The following RAB12 variants were observed in gnomAD, a reference collection of about 807,000 sequenced individuals.
RAB12 encodes the protein ras-related protein Rab-12.
Under a neutral mutation model 28.4 loss-of-function variants are expected in RAB12, and 11 were observed. That is an observed-to-expected ratio of 0.39 (90% CI 0.24 to 0.64). RAB12 has a LOEUF of 0.64. RAB12 is among the 30% of genes least tolerant of loss of function. The pLI, the probability that RAB12 is intolerant of heterozygous loss-of-function variation, is 0.50. For synonymous variants in RAB12, 138 were observed against 145.3 expected, an observed-to-expected ratio of 0.95 and a Z score of 0.36; for missense variants, 276 against 351.1, an observed-to-expected ratio of 0.79 and a Z score of 1.71.
chr18:8,626,394 T>C (rs1325181731), intron 2 of RAB12, among the ~76,000 whole-genome samples: 1 of 152,234 alleles, frequency 6.6e-6, no homozygotes, highest in Non-Finnish European at 1.5e-5. Context: ...ATGTAAACAT[T>C]ATTAGAATGT....
intron 2 of RAB12, among the ~76,000 whole-genome samples, chr18:8,631,227 G>A (rs1045639890): frequency 3.3e-5 from 5 of 152,078 alleles, no homozygotes; most frequent in African/African-American, 1.2e-4. Flanking sequence ...CATAAGTGTG[G>A]GACTATTGGT....
Position 8,613,829 on chromosome 18 carries a change from AAGTAGTAGT to A in RAB12, c.514+3907_514+3915del, listed in dbSNP as rs3050584. ...TGTAGTTGTCTGTGCCTATAAATAGAAGTAGTAGTAGTAGTAGTAGTAGTAGTAGTAGTA... is the reference window on the plus strand; with the variant it reads ...TGTAGTTGTCTGTGCCTATAAATAGAAGTAGTAGTAGTAGTAGTAGTAGTA... On this transcript the variant is annotated intron_variant, in intron 1 of 5. Coordinates refer to ENST00000649141, the MANE Select transcript of RAB12 (RefSeq NM_001025300.3). 3.3e-3 allele frequency among the ~76,000 whole-genome samples: 490 copies of A among 148,756 alleles called. 3 individuals are homozygous for A. Among genetic ancestry groups the A allele is most frequent in the South Asian group, 0.017 (80 of 4,600 alleles).
intron 2 of RAB12, among the ~76,000 whole-genome samples, chr18:8,630,325 A>AT (rs1395582947): frequency 6.6e-6 from 1 of 152,228 alleles, no homozygotes; most frequent in Non-Finnish European, 1.5e-5. Flanking sequence ...ATTTAAACAT[A>AT]TTCTGATTAG....
intron 1 of RAB12, among the ~76,000 whole-genome samples, chr18:8,617,379 C>G (rs2096007277): frequency 6.6e-6 from 1 of 151,854 alleles, no homozygotes; most frequent in African/African-American, 2.4e-5. Flanking sequence ...TTTCATGGAT[C>G]CATTCTGAGT....
At chr18:8,630,534 C>T (rs1255174080) in intron 2 of RAB12, among the ~76,000 whole-genome samples, 3 of 152,198 alleles carry the variant, frequency 2.0e-5, no homozygotes, top group African/African-American at 4.8e-5. Context: ...CTGACCCCCA[C>T]TGCTCATCAT....
chr18:8,619,478 A>T (rs892802308), intron 1 of RAB12, among the ~76,000 whole-genome samples: 1 of 152,270 alleles, frequency 6.6e-6, no homozygotes, highest in Non-Finnish European at 1.5e-5. Context: ...GTTGCTAGAC[A>T]TGTGAAAGAC....
chr18:8,614,787 T>C (rs1472722044), intron 1 of RAB12, among the ~76,000 whole-genome samples: 1 of 152,166 alleles, frequency 6.6e-6, no homozygotes. Flanking sequence ...GGTTTCACCA[T>C]GTTGGCCAGG....
intron 1 of RAB12, among the ~76,000 whole-genome samples, chr18:8,611,353 T>C (rs1765442393): frequency 6.6e-6 from 1 of 152,188 alleles, no homozygotes; most frequent in Non-Finnish European, 1.5e-5. Context: ...TACTTCAGTA[T>C]ATAAAAATGA....
chr18:8,635,915 C>T (rs762294725), intron 4 of RAB12: 33 of 424,422 alleles, frequency 7.8e-5, no homozygotes, highest in Non-Finnish European at 1.1e-4. Context: ...TTTACTTTAA[C>T]GTACTTTAAA....
chr18:8,620,352 A>G (rs746878935), intron 1 of RAB12, among the ~76,000 whole-genome samples: 8 of 152,034 alleles, frequency 5.3e-5, no homozygotes, highest in Non-Finnish European at 1.2e-4. Flanking sequence ...CCAGTTCTGT[A>G]TCTAAGGGAC....
chr18:8,620,661 G>A (rs567196893), intron 1 of RAB12, among the ~76,000 whole-genome samples: 1 of 152,152 alleles, frequency 6.6e-6, no homozygotes, highest in South Asian at 2.1e-4. Flanking sequence ...AGAGGGAGCA[G>A]TTTCCAGCCA....
At position 8,614,572 on chromosome 18, in the gene RAB12, GTTTTTTATTTTA is replaced by G. The variant is rs562414168; in HGVS notation, c.514+4631_514+4642del. 5.3e-5 allele frequency among the ~76,000 whole-genome samples: 8 copies of G among 151,132 alleles called. No individual in the cohort carries two copies. In the South Asian group the frequency reaches 1.5e-3, roughly 28 times the overall value. On this transcript the variant is annotated intron_variant, in intron 1 of 5. Transcript: ENST00000649141. The stretch of plus-strand genomic sequence containing the variant: ...AAAGATAAGATACCACAGTTTAAAA[GTTTTTTATTTTA>G]TTTTTTATTTTTATTTTTGAGACGA...
rs1598315808 is a variant in RAB12 at position 8,639,144 on chromosome 18, G to GTTTTTTTTTTTTTTTTTT, written c.*884_*885insTTTTTTTTTTTTTTTTTT. On this transcript the variant is annotated 3_prime_UTR_variant, in exon 6 of 6. Coordinates refer to ENST00000649141, the MANE Select transcript of RAB12 (RefSeq NM_001025300.3). ...CTTATTCTGATTAAGCCTAGACTGT[G>GTTTTTTTTTTTTTTTTTT]TTCTTTTTTTTTTTTTTTTTTTTTT... The GTTTTTTTTTTTTTTTTTT allele has an allele frequency of 2.4e-4, 4 of 16,582 alleles. No individual in the cohort carries two copies. The highest frequency in any genetic ancestry group is 3.7e-4 in the African/African-American group (2 of 5,466). 1.0% of individuals were successfully genotyped at this position (16,582 alleles called of 1,614,324 possible).
chr18:8,636,207 TC>T, intron 4 of RAB12, 45 bp from the exon 5 acceptor site: 3 of 1,318,822 alleles, frequency 2.3e-6, no homozygotes, highest in Non-Finnish European at 3.3e-6. Context: ...CGCACGCTGG[TC>T]TGTGAGGCCC....
chr18:8,621,135 G>C (rs941889203), intron 1 of RAB12, among the ~76,000 whole-genome samples: 2 of 152,078 alleles, frequency 1.3e-5, no homozygotes, highest in African/African-American at 4.8e-5. Flanking sequence ...CACCCTCTTT[G>C]TCCCTTGGTT....
In RAB12 at chr18:8,635,522, A is replaced by G. The variant is rs1268676875; in HGVS notation, c.715-11A>G. ...CATCTTTGAAATGTGGCTTCTTTTA[A>G]AATTCCACAGTATGCTTCAGAAGAT... On this transcript the variant is annotated splice_polypyrimidine_tract_variant and intron_variant, in intron 3 of 5. Transcript: ENST00000649141. 1 of 1,604,598 alleles carries G rather than the reference A, an allele frequency of 6.2e-7. No individual in the cohort carries two copies. The highest frequency in any genetic ancestry group is 8.5e-7 in the Non-Finnish European group (1 of 1,173,224).
intron 1 of RAB12, among the ~76,000 whole-genome samples, chr18:8,611,600 A>G (rs575897385): frequency 6.6e-6 from 1 of 152,286 alleles, no homozygotes; most frequent in South Asian, 2.1e-4. Flanking sequence ...CCGCCATGCT[A>G]AGGAGAATGG....
chr18:8,635,109 T>TC (rs1316645666), intron 3 of RAB12: 1 of 153,082 alleles, frequency 6.5e-6, no homozygotes, highest in East Asian at 1.9e-4. Flanking sequence ...TGTCATGGAG[T>TC]CCTTCCTGTG....
rs1567898575 is a variant in RAB12, at chr18:8,638,512, C to T, written c.*250C>T. The stretch of plus-strand genomic sequence containing the variant: ...TGTACATACACTGGGAAACCTAGTA[C>T]TTCTAATATGAAGAATGGGAGAAAT... On this transcript the variant is annotated 3_prime_UTR_variant, in exon 6 of 6. Transcript: ENST00000649141. 5.3e-6 allele frequency: 2 copies of T among 377,594 alleles called. No individual in the cohort carries two copies. Among genetic ancestry groups the T allele is most frequent in the Non-Finnish European group, 9.6e-6 (2 of 208,266 alleles). The allele number at this position is 377,594 out of a possible 1,614,324, so 23.4% of individuals were successfully genotyped here.
Sources: gnomAD v4.1 joint callset for allele counts (sites outside exome capture counted in the v4.1 genomes callset) on GRCh38, gnomAD v4.1.1 for gene constraint, MANE v1.5 for transcripts, NCBI Gene and HGNC (gene_info 2026-07-23, HGNC 2026-07-21) for gene names.